Variants in FAM153A observed in about 807,000 individuals in gnomAD.
FAM153A encodes family with sequence similarity 153 member A, also known as protein FAM153A.
FAM153A carries 12 observed loss-of-function variants against 48.1 expected under a neutral mutation model. That is an observed-to-expected ratio of 0.25 (90% CI 0.16 to 0.40). The LOEUF (loss-of-function observed/expected upper bound fraction) is 0.40, where lower values mean the gene tolerates loss of function less well. Ranked by LOEUF, FAM153A falls within the 10% of genes least tolerant of loss-of-function variation. FAM153A has a pLI of 1.00. For missense variants in FAM153A, 111 were observed against 345.8 expected, an observed-to-expected ratio of 0.32 and a Z score of 5.38; for synonymous variants, 36 against 118.2, an observed-to-expected ratio of 0.30 and a Z score of 4.51.
In FAM153A at chr5:177,759,806, G is replaced by T. The variant is rs543534510; in HGVS notation, c.-56-11107C>A. Among the ~76,000 whole-genome samples, 126 of 151,236 alleles carry T rather than the reference G, an allele frequency of 8.3e-4. 2 individuals are homozygous for T. Among genetic ancestry groups the T allele is most frequent in the Non-Finnish European group, 1.5e-3 (100 of 67,976 alleles). On this transcript the variant is annotated intron_variant, in intron 1 of 8. Transcript: ENST00000393518. ...AGGAAGGGGAGCATCACACACCGGG[G>T]CCTGTTGTGGGGGGGAGGGATAGCA...
At chr5:177,707,276 A>C (rs1375981995), downstream of FAM153A, among the ~76,000 whole-genome samples, 2 of 151,938 alleles carry the variant, frequency 1.3e-5, no homozygotes, top group Non-Finnish European at 2.9e-5. Context: ...GATAGACCAC[A>C]TTTTAGGCCA....
At chr5:177,738,807 GCTA>G (rs1199925800) in intron 10 of FAM153A, among the ~76,000 whole-genome samples, 1 of 151,674 alleles carries the variant, frequency 6.6e-6, no homozygotes, top group East Asian at 1.9e-4. Flanking sequence ...ATGGAAGCAT[GCTA>G]TCTGGAGAAA....
At chr5:177,701,766 A>C in the FAM153A span, among the ~76,000 whole-genome samples, 1 of 151,864 alleles carries the variant, frequency 6.6e-6, no homozygotes, top group Non-Finnish European at 1.5e-5. Flanking sequence ...AGAAAACGAC[A>C]GGAAGATGAG....
Position 177,734,895 on chromosome 5 carries a change from T to G in FAM153A, c.703A>C (p.Asn235His), listed in dbSNP as rs766902761. 2.3e-5 allele frequency: 35 copies of G among 1,507,986 alleles called. No homozygotes were observed. The highest frequency in any genetic ancestry group is 2.8e-5 in the Non-Finnish European group (31 of 1,102,134). 93.4% of individuals were successfully genotyped at this position (1,507,986 alleles called of 1,614,324 possible). The change falls in exon 13 of 21, where the codon AAC becomes CAC. Residue 235 changes from asparagine to histidine, a missense_variant. Asn to His is a moderately conservative substitution (Grantham distance 68, BLOSUM62 1). Around this residue, in one of 4 missense-constraint regions of FAM153A, gnomAD observed 57 missense variants for 104.0 expected, o/e 0.55. Transcript: ENST00000614127. ...TCCTCTGGGTCCTCCTCCTCACCGTTGTAACTGGACAGCTCCTGAAGTACA... is the reference window on the plus strand; with the variant it reads ...TCCTCTGGGTCCTCCTCCTCACCGTGGTAACTGGACAGCTCCTGAAGTACA...
At chr5:177,755,594 G>C (rs1767647076), upstream of FAM153A, among the ~76,000 whole-genome samples, 1 of 151,730 alleles carries the variant, frequency 6.6e-6, no homozygotes, top group Non-Finnish European at 1.5e-5. Context: ...ACAAAGGTCG[G>C]GTTACCCACA....
chr5:177,698,779 A>C, the FAM153A span, among the ~76,000 whole-genome samples: 4 of 147,702 alleles, frequency 2.7e-5, no homozygotes, highest in Non-Finnish European at 4.4e-5. Flanking sequence ...CTGGCTCAGC[A>C]TCCTGAGTAG....
chr5:177,706,527 A>C (rs1234682227), downstream of FAM153A, among the ~76,000 whole-genome samples: 1 of 152,030 alleles, frequency 6.6e-6, no homozygotes, highest in Non-Finnish European at 1.5e-5. Flanking sequence ...GTAACATGTA[A>C]TTTTTAAGAG....
At chr5:177,710,212 G>C (rs1289358733), downstream of FAM153A, among the ~76,000 whole-genome samples, 1 of 150,832 alleles carries the variant, frequency 6.6e-6, no homozygotes, top group South Asian at 2.1e-4. Flanking sequence ...TCCTGGGTTC[G>C]AGAAATTATT....
intron 1 of FAM153A, among the ~76,000 whole-genome samples, chr5:177,759,353 C>T (rs1010514365): frequency 1.3e-5 from 2 of 151,584 alleles, no homozygotes; most frequent in African/African-American, 4.9e-5. Flanking sequence ...AATAGGAACA[C>T]TTACACTGTT....
downstream of FAM153A, among the ~76,000 whole-genome samples, chr5:177,718,770 C>G (rs960221602): frequency 7.1e-6 from 1 of 141,128 alleles, no homozygotes; most frequent in Admixed American, 7.0e-5. Flanking sequence ...ATAAAAAAGA[C>G]TAAGACATAA....
chr5:177,779,091 T>C (rs1382055482), intron 1 of FAM153A, among the ~76,000 whole-genome samples: 2 of 151,598 alleles, frequency 1.3e-5, no homozygotes, highest in African/African-American at 2.4e-5. Flanking sequence ...CTACTGATCA[T>C]AGAGTTCCTT....
At chr5:177,755,234 A>G (rs1270199315), upstream of FAM153A, among the ~76,000 whole-genome samples, 1 of 151,922 alleles carries the variant, frequency 6.6e-6, no homozygotes, top group Admixed American at 6.6e-5. Flanking sequence ...AAAGGGTATC[A>G]GTGATGGAAA....
At chr5:177,760,199 C>T (rs1768181214) in intron 1 of FAM153A, among the ~76,000 whole-genome samples, 1 of 140,036 alleles carries the variant, frequency 7.1e-6, no homozygotes, top group Non-Finnish European at 1.5e-5. Context: ...TACCAGACCA[C>T]AGATTTATAT....
chr5:177,716,266 G>C (rs10464096), intron 25 of FAM153A: 18,212 of 151,848 alleles, frequency 0.12, 1,416 homozygotes, highest in East Asian at 0.33. Context: ...ACAGGCGTGA[G>C]CCACCATGCA....
At chr5:177,735,406 C>T (rs1329259379) in intron 12 of FAM153A, among the ~76,000 whole-genome samples, 1 of 88,896 alleles carries the variant, frequency 1.1e-5, no homozygotes, top group Non-Finnish European at 2.2e-5. Flanking sequence ...AATTTTCCTA[C>T]CATTTAAAGA....
At chr5:177,705,493 A>G (rs1159019332), downstream of FAM153A, among the ~76,000 whole-genome samples, 1 of 151,368 alleles carries the variant, frequency 6.6e-6, no homozygotes, top group African/African-American at 2.4e-5. Context: ...TCTTGTCTTT[A>G]TAAATTACTC....
At chr5:177,763,716 C>T (rs1768488299) in intron 1 of FAM153A, among the ~76,000 whole-genome samples, 1 of 145,304 alleles carries the variant, frequency 6.9e-6, no homozygotes, top group Non-Finnish European at 1.5e-5. Flanking sequence ...ATGGGGATGG[C>T]TGCAAACACC....
At chr5:177,699,605 G>C in the FAM153A span, among the ~76,000 whole-genome samples, 5 of 145,918 alleles carry the variant, frequency 3.4e-5, no homozygotes, top group African/African-American at 1.3e-4. Context: ...AGATAACTTA[G>C]ATGAAATGAA....
intron 25 of FAM153A, among the ~76,000 whole-genome samples, chr5:177,715,905 G>A (rs1226376700): frequency 1.3e-5 from 2 of 151,334 alleles, no homozygotes; most frequent in African/African-American, 2.4e-5. Context: ...CAAACTCCTG[G>A]TTTATAGTAA....
Sources: gnomAD v4.1 joint callset for allele counts (sites outside exome capture counted in the v4.1 genomes callset) on GRCh38, gnomAD v4.1.1 for gene constraint, gnomAD v4.1.1 regional missense constraint, MANE v1.5 for transcripts, NCBI Gene and HGNC (gene_info 2026-07-23, HGNC 2026-07-21) for gene names.